The following DTNBP1 variants were observed in gnomAD, a reference collection of about 807,000 sequenced individuals.
DTNBP1 encodes the protein dysbindin.
A neutral mutation model predicts 42.8 loss-of-function variants in DTNBP1; 35 were observed. The ratio of observed to expected loss-of-function variants is 0.82; its 90% confidence interval spans 0.63 to 1.09. DTNBP1 has a LOEUF of 1.09. Ranked by LOEUF, DTNBP1 falls within the 50% of genes least tolerant of loss-of-function variation. DTNBP1 has a pLI of 0.00. For synonymous variants in DTNBP1, 171 were observed against 162.2 expected (o/e 1.05, Z -0.41); for missense variants, 457 against 424.2 (o/e 1.08, Z -0.68).
intron 5 of DTNBP1, among the ~76,000 whole-genome samples, chr6:15,622,419 T>A (rs1160320932): frequency 6.6e-6 from 1 of 152,210 alleles, no homozygotes; most frequent in Non-Finnish European, 1.5e-5. Flanking sequence ...AAGCTCTTCA[T>A]ATAATAATGA....
At chr6:15,577,747 CCA>C (rs1338705440) in intron 7 of DTNBP1, among the ~76,000 whole-genome samples, 1 of 151,962 alleles carries the variant, frequency 6.6e-6, no homozygotes, top group Non-Finnish European at 1.5e-5. Flanking sequence ...AGGATTGGAG[CCA>C]ATAGCATTGG....
In DTNBP1 at chr6:15,662,834, C is replaced by T. The variant is rs765291611; in HGVS notation, c.36G>A (p.Val12=). 1 of 1,610,668 alleles carries T rather than the reference C, an allele frequency of 6.2e-7. No individual in the cohort carries two copies. The highest frequency in any genetic ancestry group is 8.5e-7 in the Non-Finnish European group (1 of 1,179,544). Residue 12 remains valine (V), a synonymous_variant, in exon 1 of 10, where the codon GTG becomes GTA. Transcript: ENST00000344537. The part of the protein sequence containing the change: ...LETLRERLLS[V]QQDFTSGLKT... Reference sequence around the variant, plus strand: ...CCCACCCGGAGGTGAAATCCTGCTGCACGCTCAGCAGCCGCTCGCGAAGGG... The same window carrying T: ...CCCACCCGGAGGTGAAATCCTGCTGTACGCTCAGCAGCCGCTCGCGAAGGG...
At chr6:15,564,095 C>G (rs1362695324) in intron 7 of DTNBP1, among the ~76,000 whole-genome samples, 1 of 151,758 alleles carries the variant, frequency 6.6e-6, no homozygotes, top group Non-Finnish European at 1.5e-5. Context: ...AACTCTAGCC[C>G]CAAACTCCTC....
At chr6:15,544,153 T>C (rs925664703) in intron 7 of DTNBP1, among the ~76,000 whole-genome samples, 9 of 152,356 alleles carry the variant, frequency 5.9e-5, no homozygotes, top group African/African-American at 1.7e-4. Context: ...TCATATGTTA[T>C]GTAAGTGGAA....
chr6:15,531,900 G>A (rs1772857885), intron 8 of DTNBP1, among the ~76,000 whole-genome samples: 1 of 152,212 alleles, frequency 6.6e-6, no homozygotes, highest in African/African-American at 2.4e-5. Flanking sequence ...CCAAAGTGCT[G>A]GGATTATAGG....
intron 6 of DTNBP1, among the ~76,000 whole-genome samples, chr6:15,598,225 T>C (rs951378887): frequency 2.6e-5 from 4 of 152,184 alleles, no homozygotes; most frequent in Admixed American, 2.6e-4. Flanking sequence ...AAGAAGTATA[T>C]TAAATCTATA....
chr6:15,523,345 G>A, intron 9 of DTNBP1, 126 bp from the exon 10 acceptor site: 2 of 1,393,572 alleles, frequency 1.4e-6, no homozygotes, highest in East Asian at 2.4e-5. Flanking sequence ...GGCACCTGGG[G>A]CCTGCAGAAC....
rs1307592834 is a variant in DTNBP1 at position 15,599,700 on chromosome 6, T to A, written c.489-6619A>T. ...TCCCCAACATAGCCCTGAAGACATG[T>A]CGTGGTTTTCAAAAATAAGCCTGCA... On this transcript the variant is annotated intron_variant, in intron 6 of 9. Transcript: ENST00000344537. 4.6e-5 allele frequency among the ~76,000 whole-genome samples: 7 copies of A among 152,272 alleles called. No homozygotes were observed. In the East Asian group the frequency reaches 1.4e-3, roughly 29 times the overall value.
At chr6:15,619,053 C>T (rs1264602458) in intron 5 of DTNBP1, among the ~76,000 whole-genome samples, 6 of 152,140 alleles carry the variant, frequency 3.9e-5, no homozygotes, top group Non-Finnish European at 7.4e-5. Context: ...GAGGGTAGAA[C>T]AGTGTTTACT....
At chr6:15,604,974 T>C (rs1336946241) in intron 6 of DTNBP1, among the ~76,000 whole-genome samples, 4 of 152,206 alleles carry the variant, frequency 2.6e-5, no homozygotes. Flanking sequence ...GGAGTCAGTA[T>C]GCCCCTAAGC....
intron 7 of DTNBP1, among the ~76,000 whole-genome samples, chr6:15,550,748 C>T (rs1157158002): frequency 6.6e-6 from 1 of 152,216 alleles, no homozygotes; most frequent in Admixed American, 6.5e-5. Flanking sequence ...CACCAGGAGT[C>T]CTTCACTGCC....
intron 6 of DTNBP1, among the ~76,000 whole-genome samples, chr6:15,607,862 T>C (rs1036028404): frequency 1.3e-5 from 2 of 152,202 alleles, no homozygotes; most frequent in Non-Finnish European, 1.5e-5. Context: ...AGGAGATGTA[T>C]TTATAGTGAA....
At chr6:15,614,828 A>G (rs1347385898) in intron 6 of DTNBP1, among the ~76,000 whole-genome samples, 1 of 152,234 alleles carries the variant, frequency 6.6e-6, no homozygotes, top group Non-Finnish European at 1.5e-5. Flanking sequence ...TAATTTGCCT[A>G]AGGTCTCAAA....
chr6:15,642,300 T>C (rs1003972033), intron 3 of DTNBP1, among the ~76,000 whole-genome samples: 3 of 152,064 alleles, frequency 2.0e-5, no homozygotes, highest in Admixed American at 2.0e-4. Context: ...GAAATGAAGG[T>C]TGGGAGCCTT....
chr6:15,580,724 A>G (rs1191413809), intron 7 of DTNBP1, among the ~76,000 whole-genome samples: 4 of 152,124 alleles, frequency 2.6e-5, no homozygotes, highest in Non-Finnish European at 5.9e-5. Context: ...CCTGTCTTCA[A>G]TGGGGATGCA....
chr6:15,523,486 G>A (rs1234036211), intron 9 of DTNBP1: 17 of 1,283,620 alleles, frequency 1.3e-5, no homozygotes, highest in East Asian at 1.2e-4. Flanking sequence ...GCTGTAATAC[G>A]CGTGTAATAG....
chr6:15,620,966 AAAAT>A (rs1759009824), intron 5 of DTNBP1, among the ~76,000 whole-genome samples: 1 of 152,246 alleles, frequency 6.6e-6, no homozygotes, highest in Non-Finnish European at 1.5e-5. Flanking sequence ...TTGAATATAA[AAAAT>A]AGAGAAAATT....
chr6:15,621,538 T>G (rs1759040390), intron 5 of DTNBP1, among the ~76,000 whole-genome samples: 1 of 152,220 alleles, frequency 6.6e-6, no homozygotes, highest in Non-Finnish European at 1.5e-5. Flanking sequence ...AAACTGTACA[T>G]ACTTCTGAAT....
chr6:15,599,861 T>C (rs573689504), intron 6 of DTNBP1, among the ~76,000 whole-genome samples: 2 of 152,342 alleles, frequency 1.3e-5, no homozygotes, highest in East Asian at 3.9e-4. Flanking sequence ...ACCTTTGTGT[T>C]ACTGATTTTT....
Sources: allele counts gnomAD v4.1 joint callset (sites outside exome capture counted in the v4.1 genomes callset), GRCh38; gene constraint gnomAD v4.1.1; transcripts MANE v1.5; gene names NCBI Gene and HGNC (gene_info 2026-07-23, HGNC 2026-07-21).